The following C2orf72 variants were observed in gnomAD, a reference collection of about 807,000 sequenced individuals.
The protein encoded by C2orf72 is chromosome 2 open reading frame 72.
C2orf72 carries 16 observed loss-of-function variants against 14.4 expected under a neutral mutation model. The observed-to-expected ratio is 1.11, with a 90% CI of 0.75 to 1.69. C2orf72 has a LOEUF of 1.69. Among genes scored for constraint, C2orf72 ranks in the 40% most tolerant of loss-of-function variants. The pLI is 0.00. For synonymous variants in C2orf72, 168 were observed against 176.8 expected, an observed-to-expected ratio of 0.95 and a Z score of 0.40; for missense variants, 371 against 358.3, an observed-to-expected ratio of 1.04 and a Z score of -0.29.
At chr2:231,043,661 C>G (rs1011477464) in intron 2 of C2orf72, among the ~76,000 whole-genome samples, 1 of 152,174 alleles carries the variant, frequency 6.6e-6, no homozygotes, top group Non-Finnish European at 1.5e-5. Flanking sequence ...GATGAAGCAA[C>G]AGAATCATTA....
At chr2:231,043,322 G>C (rs1300721810) in intron 2 of C2orf72, among the ~76,000 whole-genome samples, 2 of 152,068 alleles carry the variant, frequency 1.3e-5, no homozygotes, top group Non-Finnish European at 2.9e-5. Flanking sequence ...ACTCAAGGAA[G>C]GGCTTTATAA....
intron 1 of C2orf72, 87 bp downstream of exon 1, chr2:231,038,286 T>C: frequency 9.7e-7 from 1 of 1,035,238 alleles, no homozygotes; most frequent in Non-Finnish European, 1.2e-6. Context: ...CATTCCCTTA[T>C]TGAGCACCGA....
At chr2:231,039,726 T>C (rs999184241) in intron 1 of C2orf72, among the ~76,000 whole-genome samples, 9 of 152,020 alleles carry the variant, frequency 5.9e-5, no homozygotes, top group Non-Finnish European at 8.8e-5. Flanking sequence ...ACACATTTTC[T>C]ATACCCTAAT....
At chr2:231,040,888 G>C (rs1693331976) in intron 1 of C2orf72, among the ~76,000 whole-genome samples, 1 of 152,116 alleles carries the variant, frequency 6.6e-6, no homozygotes, top group Non-Finnish European at 1.5e-5. Flanking sequence ...AAACAACCTA[G>C]TTCCTGTTGA....
At position 231,037,790 on chromosome 2, in the gene C2orf72, G is replaced by C; in HGVS notation, c.225G>C (p.Gly75=). 2.1e-5 allele frequency: 21 copies of C among 983,222 alleles called. No individual in the cohort carries two copies. Among genetic ancestry groups the C allele is most frequent in the Non-Finnish European group, 2.5e-5 (21 of 829,948 alleles). The allele number at this position is 983,222 out of a possible 1,614,324, so 60.9% of individuals were successfully genotyped here. Residue 75 remains glycine (G), a synonymous_variant, in exon 1 of 3, where the codon GGG becomes GGC. Coordinates refer to ENST00000373640, the MANE Select transcript of C2orf72 (RefSeq NM_001144994.2). ...KPGGAAAEGA[G]PGAARGAQRA... is the part of the protein sequence containing the mutation. ...GCGGCGCGGCGGCAGAGGGCGCGGG[G>C]CCCGGGGCGGCGCGCGGGGCGCAGA...
chr2:231,044,666 A>ATTTTTTTTTTTTTTTTTT (rs934535205), intron 2 of C2orf72, among the ~76,000 whole-genome samples: 1 of 115,096 alleles, frequency 8.7e-6, no homozygotes, highest in African/African-American at 3.6e-5. Context: ...TCCTATTTTA[A>ATTTTTTTTTTTTTTTTTT]TTTTTTTTTT....
intron 2 of C2orf72, among the ~76,000 whole-genome samples, chr2:231,044,818 G>A (rs888474124): frequency 1.3e-5 from 2 of 149,910 alleles, no homozygotes; most frequent in African/African-American, 4.9e-5. Context: ...AACACACATG[G>A]AGCTGTCACC....
Position 231,037,690 on chromosome 2 carries a change from G to A in C2orf72, c.125G>A (p.Arg42His). Residue 42 changes from arginine (R) to histidine (H), a missense_variant, in exon 1 of 3, where the codon CGC becomes CAC. By Grantham distance (29) the Arg-to-His change is conservative. Around this residue, in one of 3 missense-constraint regions of C2orf72, gnomAD observed 214 missense variants for 178.7 expected, o/e 1.20. Coordinates refer to ENST00000373640, the MANE Select transcript of C2orf72 (RefSeq NM_001144994.2). ...QVLLVGELWE[R>H]EQSRALLRDF... ...CTGCTGGTGGGCGAGCTGTGGGAGC[G>A]CGAACAGAGCCGCGCGCTGCTGCGG... The A allele has an allele frequency of 9.4e-7, 1 of 1,069,504 alleles. No individual in the cohort carries two copies. The highest frequency in any genetic ancestry group is 1.1e-6 in the Non-Finnish European group (1 of 884,240). 66.3% of individuals were successfully genotyped at this position (1,069,504 alleles called of 1,614,324 possible).
Position 231,037,650 on chromosome 2 carries a change from G to T in C2orf72, c.85G>T (p.Gly29Cys). 5 of 1,121,342 alleles carry T rather than the reference G, an allele frequency of 4.5e-6. No individual in the cohort carries two copies. The highest frequency in any genetic ancestry group is 6.7e-5 in the East Asian group (1 of 14,840). The allele number at this position is 1,121,342 out of a possible 1,614,324, so 69.5% of individuals were successfully genotyped here. A position where few individuals can be genotyped will look rare whatever the true frequency, so the allele number is the denominator to read the frequency against. The change falls in exon 1 of 3, where the codon GGC (glycine) becomes TGC (cysteine). Residue 29 changes from glycine to cysteine, a missense_variant. This residue lies in a region of C2orf72 where 214 missense variants were observed against 178.7 expected (regional missense o/e 1.20). Coordinates refer to ENST00000373640, the MANE Select transcript of C2orf72 (RefSeq NM_001144994.2). Reference protein sequence around the residue: ...PFQALVEAAGGRGQVLLVGEL... With the variant: ...PFQALVEAAGCRGQVLLVGEL... ...CCAGGCGTTGGTGGAAGCGGCGGGGGGCCGCGGGCAGGTGCTGCTGGTGGG... is the reference window on the plus strand; with the variant it reads ...CCAGGCGTTGGTGGAAGCGGCGGGGTGCCGCGGGCAGGTGCTGCTGGTGGG...
intron 1 of C2orf72, among the ~76,000 whole-genome samples, chr2:231,039,093 T>G (rs1291170353): frequency 1.3e-5 from 2 of 151,796 alleles, no homozygotes; most frequent in Non-Finnish European, 2.9e-5. Context: ...AAACACAGCA[T>G]GTTCTCACTC....
rs1371673313 is a variant in C2orf72, at chr2:231,048,200, CTTCT to C, written c.*1182_*1185del. 1 of 152,244 alleles carries C rather than the reference CTTCT, an allele frequency of 6.6e-6. No homozygotes were observed. Among genetic ancestry groups the C allele is most frequent in the Non-Finnish European group, 1.5e-5 (1 of 68,050 alleles). The allele number at this position is 152,244 out of a possible 1,614,324, so 9.4% of individuals were successfully genotyped here. The stretch of plus-strand genomic sequence containing the variant: ...GGGAACTCACCATTACCTCCCTTGT[CTTCT>C]TTGCCTGCCTTGGAGAAATCCAGAG... On this transcript the variant is annotated 3_prime_UTR_variant, in exon 3 of 3. Coordinates refer to ENST00000373640, the MANE Select transcript of C2orf72 (RefSeq NM_001144994.2).
At chr2:231,042,148 A>T (rs529934997) in intron 2 of C2orf72, among the ~76,000 whole-genome samples, 34 of 152,104 alleles carry the variant, frequency 2.2e-4, no homozygotes, top group East Asian at 1.9e-3. Flanking sequence ...GAGAAAACTC[A>T]CCCGGAGCCA....
intron 1 of C2orf72, among the ~76,000 whole-genome samples, chr2:231,038,980 T>A (rs1693302137): frequency 6.6e-6 from 1 of 152,116 alleles, no homozygotes; most frequent in African/African-American, 2.4e-5. Flanking sequence ...CAGGATCTCC[T>A]TCCTCCTGGA....
intron 1 of C2orf72, 44 bp from the exon 2 acceptor site, chr2:231,041,252 G>T: frequency 7.2e-7 from 1 of 1,384,152 alleles, no homozygotes; most frequent in Non-Finnish European, 9.9e-7. Context: ...CTTGTGAAGT[G>T]GGAACCATGT....
intron 2 of C2orf72, among the ~76,000 whole-genome samples, chr2:231,044,962 T>TATATATATATATATATATATACACAC (rs985747494): frequency 1.4e-5 from 2 of 146,420 alleles, no homozygotes; most frequent in African/African-American, 5.1e-5. Context: ...TATATATATA[T>TATATATATATATATATATATACACAC]ACACACACAC....
At position 231,038,148 on chromosome 2, in the gene C2orf72, G is replaced by T. The variant is rs1022866710; in HGVS notation, c.583G>T (p.Val195Phe). ...CGGCCTCCCGGCCTCCTGCCTGGCC[G>T]TCCAGGCGGCCGCCTGCAGGGCCCT... The part of the protein sequence containing the change: ...CPGLPASCLA[V>F]QAAACRALQA... Residue 195 changes from valine (V) to phenylalanine (F), a missense_variant, in exon 1 of 3, where the codon GTC (valine) becomes TTC (phenylalanine). Around this residue, in one of 3 missense-constraint regions of C2orf72, gnomAD observed 145 missense variants for 149.4 expected, o/e 0.97. Coordinates refer to ENST00000373640, the MANE Select transcript of C2orf72 (RefSeq NM_001144994.2). 8.6e-6 allele frequency: 10 copies of T among 1,165,548 alleles called. No homozygotes were observed. Among genetic ancestry groups the T allele is most frequent in the African/African-American group, 1.6e-5 (1 of 61,450 alleles). The allele number at this position is 1,165,548 out of a possible 1,614,324, so 72.2% of individuals were successfully genotyped here. A position where few individuals can be genotyped will look rare whatever the true frequency, so the allele number is the denominator to read the frequency against.
Position 231,037,843 on chromosome 2 carries a change from GGGCGGC to G in C2orf72, c.292_297del (p.Ala98_Ala99del). 1.0e-6 allele frequency: 1 copy of G among 978,526 alleles called. No homozygotes were observed. The highest frequency in any genetic ancestry group is 1.2e-6 in the Non-Finnish European group (1 of 827,014). The allele number at this position is 978,526 out of a possible 1,614,324, so 60.6% of individuals were successfully genotyped here. Reference sequence around the variant, plus strand: ...GCGGCGAGGGCGGCTGGGGCGGCGGGGGCGGCGGCGGCGGCGGCGCGCGCCATCCGC... The same window carrying G: ...GCGGCGAGGGCGGCTGGGGCGGCGGGGGCGGCGGCGGCGCGCGCCATCCGC... On this transcript the variant is annotated inframe_deletion, in exon 1 of 3. Transcript: ENST00000373640.
chr2:231,045,210 G>T lies in C2orf72; in HGVS notation c.749-1672G>T, dbSNP rs182308772. ...ACCTGGGAGGCGGAGGTTGCAGTGG[G>T]CAGAGATTTCGCCAGTGCACTCCAG... On this transcript the variant is annotated intron_variant, in intron 2 of 2. Transcript: ENST00000373640. Among the ~76,000 whole-genome samples the T allele has an allele frequency of 4.6e-3, 705 of 151,698 alleles. 7 individuals are homozygous for T. Among genetic ancestry groups the T allele is most frequent in the African/African-American group, 0.016 (683 of 41,420 alleles).
chr2:231,038,282 C>A, intron 1 of C2orf72, 83 bp downstream of exon 1: 1 of 1,052,402 alleles, frequency 9.5e-7, no homozygotes, highest in South Asian at 4.7e-5. Context: ...TGGCCATTCC[C>A]TTATTGAGCA....
Sources: allele counts gnomAD v4.1 joint callset (sites outside exome capture counted in the v4.1 genomes callset), GRCh38; gene constraint gnomAD v4.1.1; regional missense constraint gnomAD v4.1.1; transcripts MANE v1.5; gene names NCBI Gene and HGNC (gene_info 2026-07-23, HGNC 2026-07-21).